PGAP6: variants seen among roughly 807,000 people sequenced by gnomAD.
PGAP6 encodes the protein post-GPI attachment to proteins factor 6.
PGAP6 carries 62 observed loss-of-function variants against 68.4 expected under a neutral mutation model. That is an observed-to-expected ratio of 0.91 (90% CI 0.74 to 1.12). The LOEUF is 1.12. PGAP6 is among the 50% of genes most tolerant of loss of function. The probability of loss-of-function intolerance (pLI) is 0.00; values close to 1 mark genes in which losing one functional copy is unlikely to be tolerated. For synonymous variants in PGAP6, 575 were observed against 474.0 expected (o/e 1.21, Z -2.77); for missense variants, 1,188 against 1,068.5 (o/e 1.11, Z -1.56).
At chr16:382,091 A>AGGGGGGAGGGGTCACGTGGGGCGCCGGGG, upstream of PGAP6, 1 of 285,298 alleles carries the variant, frequency 3.5e-6, no homozygotes, top group Non-Finnish European at 6.0e-6. Flanking sequence ...GGGCGCCGGT[A>AGGGGGGAGGGGTCACGTGGGGCGCCGGGG]GGGGGGAGGG....
Position 375,346 on chromosome 16 carries a change from T to TGTG in PGAP6, c.1311_1313dup (p.Thr438dup). 12 of 1,612,852 alleles carry TGTG rather than the reference T, an allele frequency of 7.4e-6. No homozygotes were observed. The highest frequency in any genetic ancestry group is 1.0e-5 in the Non-Finnish European group (12 of 1,179,928). Reference sequence around the variant, plus strand: ...GACGGTGACGCCTGCCCATCATACCTGTGGTGCAGTTGAGCGAAGTATTGA... The same window carrying TGTG: ...GACGGTGACGCCTGCCCATCATACCTGTGGTGGTGCAGTTGAGCGAAGTATTGA... On this transcript the variant is annotated inframe_insertion and splice_region_variant, in exon 7 of 13. Transcript: ENST00000431232.
chr16:375,372 A>C lies in PGAP6; in HGVS notation c.1288T>G (p.Phe430Val). Residue 430 changes from phenylalanine (F) to valine (V), a missense_variant, in exon 7 of 13, where the codon TTC (phenylalanine) becomes GTC (valine). Transcript: ENST00000431232. ...GTGGTGCAGTTGAGCGAAGTATTGA[A>C]GCCAAGGAAGGGCGAGGCAGCATTC... ...CVNAASPFLG[F>V]NTSLNCTTAF... 1 of 1,612,980 alleles carries C rather than the reference A, an allele frequency of 6.2e-7. No homozygotes were observed. Among genetic ancestry groups the C allele is most frequent in the Non-Finnish European group, 8.5e-7 (1 of 1,179,958 alleles).
rs1242942259 is a variant in PGAP6, at chr16:376,289, C to T, written c.1071G>A (p.Thr357=). ...SPFCLTNYPV[T]REDMDVVSVH... ...CCGACACCACGTCCATGTCCTCCCG[C>T]GTGACTGGGTAGTTTGTGAGGCAGA... Residue 357 remains threonine, a synonymous_variant, in exon 6 of 13, where the codon ACG becomes ACA. Transcript: ENST00000431232. The T allele has an allele frequency of 8.7e-6, 14 of 1,612,712 alleles. No individual in the cohort carries two copies. The highest frequency in any genetic ancestry group is 6.7e-5 in the Admixed American group (4 of 60,004).
At chr16:381,426 C>T (rs949432486) in intron 1 of PGAP6, among the ~76,000 whole-genome samples, 2 of 151,774 alleles carry the variant, frequency 1.3e-5, no homozygotes, top group African/African-American at 4.8e-5. Flanking sequence ...GACCTGGGCG[C>T]TCTGGGAGGA....
Position 381,766 on chromosome 16 carries a change from C to T in PGAP6, c.56G>A (p.Gly19Glu). The T allele has an allele frequency of 8.4e-7, 1 of 1,195,426 alleles. No homozygotes were observed. The highest frequency in any genetic ancestry group is 1.0e-6 in the Non-Finnish European group (1 of 963,554). The allele number at this position is 1,195,426 out of a possible 1,614,324, so 74.1% of individuals were successfully genotyped here. ...GGCAAGCAGCAGCAGCAGCAGCGGC[C>T]CCGCCACCACCGCGGCCACCGCCTC... Reference protein sequence around the residue: ...GGEAVAAVVAGPLLLLLLARP... With the variant: ...GGEAVAAVVAEPLLLLLLARP... The change falls in exon 1 of 13, where the codon GGG becomes GAG. Residue 19 changes from glycine to glutamate, a missense_variant. Gly to Glu is a moderately conservative substitution (Grantham distance 98, BLOSUM62 -2). Transcript: ENST00000431232.
chr16:382,618 T>C (rs1472310896), upstream of PGAP6: 2 of 216,230 alleles, frequency 9.2e-6, no homozygotes, highest in African/African-American at 2.3e-5. Context: ...ATTCCCACCA[T>C]GTAAGATTTG....
At chr16:372,491 AC>A in intron 12 of PGAP6, 119 bp downstream of exon 12, 2 of 987,234 alleles carry the variant, frequency 2.0e-6, no homozygotes, top group Non-Finnish European at 3.1e-6. Flanking sequence ...TGCCATGGCA[AC>A]CCCCAGCAGA....
Position 375,156 on chromosome 16 carries a change from C to T in PGAP6, c.1416G>A (p.Gln472=). Residue 472 remains glutamine, a synonymous_variant, in exon 8 of 13, where the codon CAG becomes CAA. Transcript: ENST00000431232. The part of the protein sequence containing the change: ...PETDNWYLSL[Q]LMCPENAEDC... ...ACTCAGCATTCTCAGGGCACATGAG[C>T]TGCAGGGAGAGGTACCAGTTGTCTG... 6.2e-7 allele frequency: 1 copy of T among 1,613,450 alleles called. No homozygotes were observed. Among genetic ancestry groups the T allele is most frequent in the Non-Finnish European group, 8.5e-7 (1 of 1,179,984 alleles).
intron 1 of PGAP6, among the ~76,000 whole-genome samples, chr16:381,486 CGGGGGACCGA>C (rs1217581760): frequency 6.6e-6 from 1 of 152,148 alleles, no homozygotes; most frequent in African/African-American, 2.4e-5. Flanking sequence ...CAACCCCGAT[CGGGGGACCGA>C]GGAGGAAGCG....
At chr16:379,609 C>T (rs923687921) in intron 1 of PGAP6, among the ~76,000 whole-genome samples, 1 of 152,240 alleles carries the variant, frequency 6.6e-6, no homozygotes, top group Non-Finnish European at 1.5e-5. Context: ...GCACACACAG[C>T]CCCTGGGCTG....
intron 11 of PGAP6, among the ~76,000 whole-genome samples, chr16:373,539 T>A (rs904136130): frequency 6.6e-6 from 1 of 152,228 alleles, no homozygotes; most frequent in Non-Finnish European, 1.5e-5. Flanking sequence ...CCGTGTGGCA[T>A]CACAGAAGAC....
At position 376,199 on chromosome 16, in the gene PGAP6, C is replaced by A. The variant is rs1302629932; in HGVS notation, c.1161G>T (p.Arg387=). The change falls in exon 6 of 13, where the codon CGG becomes CGT. Residue 387 remains arginine (R), a synonymous_variant. Transcript: ENST00000431232. Reference sequence around the variant, plus strand: ...TGTCCATGCCGGTGTTCAGGCGCAGCCGCATCACGGAGGGCGTGTCCGAAC... The same window carrying A: ...TGTCCATGCCGGTGTTCAGGCGCAGACGCATCACGGAGGGCGTGTCCGAAC... ...RVCSDTPSVM[R]LRLNTGMDSG... 1.9e-6 allele frequency: 3 copies of A among 1,612,448 alleles called. No homozygotes were observed. The highest frequency in any genetic ancestry group is 2.7e-5 in the African/African-American group (2 of 74,952).
Position 377,435 on chromosome 16 carries a change from G to T in PGAP6, c.450C>A (p.Pro150=), listed in dbSNP as rs79494779. The change falls in exon 3 of 13, where the codon CCC becomes CCA. Residue 150 remains proline, a synonymous_variant. Transcript: ENST00000431232. ...GGTGGGCGGCCACGAACCAGTCCCC[G>T]GGGGCCGGGTGGGAAACGTTGACGG... ...NASVNVSHPA[P]GDWFVAAHLP... The T allele has an allele frequency of 1.6e-3, 2,552 of 1,610,034 alleles. 32 individuals are homozygous for T. The East Asian group carries it at 0.017, about 11-fold the overall frequency.
chr16:381,871 C>A lies in PGAP6; in HGVS notation c.-50G>T. 2.8e-5 allele frequency: 27 copies of A among 979,018 alleles called. No individual in the cohort carries two copies. Among genetic ancestry groups the A allele is most frequent in the Non-Finnish European group, 3.3e-5 (27 of 826,084 alleles). The allele number at this position is 979,018 out of a possible 1,614,324, so 60.6% of individuals were successfully genotyped here. On this transcript the variant is annotated 5_prime_UTR_variant, in exon 1 of 13. Coordinates refer to ENST00000431232, the MANE Select transcript of PGAP6 (RefSeq NM_021259.3). ...CCCGGCCCGCGTCCCGCGCCGCCGG[C>A]CCCCGCCGCCGCCCGGGCAGCCTCT...
intron 1 of PGAP6, among the ~76,000 whole-genome samples, chr16:379,207 G>A (rs112201642): frequency 0.011 from 1,678 of 152,280 alleles, 24 homozygotes; most frequent in African/African-American, 0.038. Context: ...GCGCTGCCTA[G>A]GTCTCACTGG....
chr16:374,989 T>G, intron 8 of PGAP6, 97 bp from the exon 9 acceptor site: 1 of 1,586,432 alleles, frequency 6.3e-7, no homozygotes, highest in Non-Finnish European at 8.6e-7. Context: ...GAACGCAGCA[T>G]TAGGGCCCCC....
chr16:372,271 C>T lies in PGAP6; in HGVS notation c.2032G>A (p.Gly678Arg), dbSNP rs139793210. The T allele has an allele frequency of 1.4e-5, 23 of 1,609,308 alleles. No homozygotes were observed. Among genetic ancestry groups the T allele is most frequent in the Middle Eastern group, 1.7e-4 (1 of 5,802 alleles). ...GTGGGGTAGCACTGGCGCCGGTGCC[C>T]GCAGCGGTAAGCCTGGAGAAAACAG... ...IMASMWAYRC[G>R]HRRQCYPTSW... is the part of the protein sequence containing the mutation. The change falls in exon 13 of 13, where the codon GGG becomes AGG. Residue 678 changes from glycine to arginine, a missense_variant. Physicochemically the swap from Gly to Arg is moderately radical, Grantham distance 125. Transcript: ENST00000431232.
At chr16:382,760 G>A (rs1046010048), upstream of PGAP6, among the ~76,000 whole-genome samples, 22 of 144,994 alleles carry the variant, frequency 1.5e-4, no homozygotes, top group Non-Finnish European at 3.3e-4. Context: ...GGGGGGTGGG[G>A]GCGTCTGCAA....
rs182950167 is a variant in PGAP6 at position 373,523 on chromosome 16, G to A, written c.1902+482C>T. ...CAACTGCCTGCGGGGTCTCAGACCC[G>A]CATCTCCGTGTGGCATCACAGAAGA... On this transcript the variant is annotated intron_variant, in intron 11 of 12. Transcript: ENST00000431232. Among the ~76,000 whole-genome samples the A allele has an allele frequency of 6.4e-3, 976 of 152,346 alleles. 5 individuals are homozygous for A. The highest frequency in any genetic ancestry group is 0.01 in the Non-Finnish European group (706 of 68,030).
Sources: gnomAD v4.1 joint callset for allele counts (sites outside exome capture counted in the v4.1 genomes callset) on GRCh38, gnomAD v4.1.1 for gene constraint, MANE v1.5 for transcripts, NCBI Gene and HGNC (gene_info 2026-07-23, HGNC 2026-07-21) for gene names.